ZC3H12B: variants seen among roughly 807,000 people sequenced by gnomAD.
ZC3H12B encodes the protein zinc finger CCCH-type containing 12B, also known as probable ribonuclease ZC3H12B.
A neutral mutation model predicts 43.9 loss-of-function variants in ZC3H12B; 7 were observed. That is an observed-to-expected ratio of 0.16 (90% CI 0.09 to 0.30). ZC3H12B has a LOEUF of 0.30. Ranked by LOEUF, ZC3H12B falls within the 10% of genes least tolerant of loss-of-function variation. The pLI is 1.00. For missense variants in ZC3H12B, 475 were observed against 670.2 expected, an observed-to-expected ratio of 0.71 and a Z score of 3.22; for synonymous variants, 222 against 241.7, an observed-to-expected ratio of 0.92 and a Z score of 0.76.
At chrX:65,252,514 A>G in the ZC3H12B span, among the ~76,000 whole-genome samples, 1 of 111,935 alleles carries the variant, frequency 8.9e-6, no homozygotes, top group Non-Finnish European at 1.9e-5. Context: ...CCCTTTTTAC[A>G]GATGAGGAAA....
chrX:65,108,542 G>A, the ZC3H12B span, among the ~76,000 whole-genome samples: 1 of 109,324 alleles, frequency 9.1e-6, no homozygotes, highest in African/African-American at 3.3e-5. Flanking sequence ...AAGATCTTCA[G>A]GGGCGATAAC....
intron 3 of ZC3H12B, among the ~76,000 whole-genome samples, chrX:65,402,456 G>A (rs966282732): frequency 3.6e-5 from 4 of 111,381 alleles, no homozygotes; most frequent in Non-Finnish European, 7.5e-5. Context: ...AGAGTCCCAG[G>A]GCCTTGAGTG....
chrX:65,495,556 T>C (rs1364404264), intron 1 of ZC3H12B, among the ~76,000 whole-genome samples: 2 of 112,156 alleles, frequency 1.8e-5, no homozygotes, highest in Admixed American at 9.5e-5. Context: ...CAATAGCCAC[T>C]TGATTGTAGT....
the ZC3H12B span, among the ~76,000 whole-genome samples, chrX:65,245,579 A>G: frequency 8.9e-6 from 1 of 112,318 alleles, no homozygotes; most frequent in African/African-American, 3.2e-5. Context: ...AAACAAAACT[A>G]AAGGCAAAAA....
At chrX:65,265,355 C>A in the ZC3H12B span, among the ~76,000 whole-genome samples, 1 of 111,643 alleles carries the variant, frequency 9.0e-6, no homozygotes, top group African/African-American at 3.3e-5. Flanking sequence ...TGTGCATGGT[C>A]CACCAAAAGA....
chrX:65,036,193 A>G, the ZC3H12B span, among the ~76,000 whole-genome samples: 1 of 111,833 alleles, frequency 8.9e-6, no homozygotes, highest in Non-Finnish European at 1.9e-5. Context: ...TCTTTGATGA[A>G]TGAGGTTGTT....
the ZC3H12B span, among the ~76,000 whole-genome samples, chrX:65,232,031 C>T: frequency 9.3e-6 from 1 of 107,645 alleles, no homozygotes; most frequent in Non-Finnish European, 1.9e-5. Context: ...GTCAGGAGAT[C>T]GAAACCATCC....
At chrX:65,215,726 CTGTT>C in the ZC3H12B span, among the ~76,000 whole-genome samples, 4 of 111,702 alleles carry the variant, frequency 3.6e-5, no homozygotes, top group African/African-American at 6.5e-5. Context: ...CAACTGCTAA[CTGTT>C]TGGCAGAAGA....
chrX:65,378,336 G>GT (rs2066378624), intron 2 of ZC3H12B, among the ~76,000 whole-genome samples: 1 of 111,223 alleles, frequency 9.0e-6, no homozygotes, highest in East Asian at 2.8e-4. Flanking sequence ...GGTGTAGAGT[G>GT]TTTTTTAGTT....
At chrX:65,468,437 G>T (rs1389833379) in intron 3 of ZC3H12B, among the ~76,000 whole-genome samples, 2 of 108,398 alleles carry the variant, frequency 1.8e-5, no homozygotes, top group African/African-American at 6.7e-5. Context: ...GACTATTCGG[G>T]TTTGTTTTTG....
chrX:65,345,619 A>T, the ZC3H12B span, among the ~76,000 whole-genome samples: 3 of 111,510 alleles, frequency 2.7e-5, no homozygotes, highest in Admixed American at 2.9e-4. Flanking sequence ...GGGTGACAAA[A>T]TAATCTGTAC....
At chrX:65,345,846 A>G in the ZC3H12B span, among the ~76,000 whole-genome samples, 1 of 112,131 alleles carries the variant, frequency 8.9e-6, no homozygotes. Flanking sequence ...AGTGAGAGCC[A>G]AATCAAGAAT....
the ZC3H12B span, among the ~76,000 whole-genome samples, chrX:65,105,540 G>A: frequency 9.0e-6 from 1 of 111,663 alleles, no homozygotes; most frequent in Non-Finnish European, 1.9e-5. Context: ...CCAGGACTGA[G>A]ATCTAGACCT....
the ZC3H12B span, chrX:65,328,655 C>A: frequency 8.3e-6 from 1 of 120,828 alleles, no homozygotes; most frequent in East Asian, 2.7e-4. Flanking sequence ...CCATTAACTC[C>A]TCATTTAGCA....
At chrX:65,407,188 C>T (rs1205842586) in intron 3 of ZC3H12B, among the ~76,000 whole-genome samples, 1 of 112,867 alleles carries the variant, frequency 8.9e-6, no homozygotes, top group African/African-American at 3.2e-5. Context: ...GAAGAAGGGG[C>T]TCGGAAGAAG....
chrX:65,351,103 G>C, the ZC3H12B span, among the ~76,000 whole-genome samples: 73 of 111,866 alleles, frequency 6.5e-4, no homozygotes, highest in African/African-American at 2.1e-3. Flanking sequence ...CAAATAGCAT[G>C]GTACTGGTAC....
chrX:65,312,468 A>T, the ZC3H12B span, among the ~76,000 whole-genome samples: 1 of 110,112 alleles, frequency 9.1e-6, no homozygotes, highest in East Asian at 2.9e-4. Flanking sequence ...CTGGCAGCAC[A>T]AGCACCAAAA....
At chrX:65,166,578 T>C in the ZC3H12B span, among the ~76,000 whole-genome samples, 1 of 111,901 alleles carries the variant, frequency 8.9e-6, no homozygotes, top group South Asian at 3.7e-4. Flanking sequence ...GATGGCTGGG[T>C]CAAATGGTAT....
At chrX:65,079,910 G>A in the ZC3H12B span, among the ~76,000 whole-genome samples, 1 of 111,183 alleles carries the variant, frequency 9.0e-6, no homozygotes, top group Non-Finnish European at 1.9e-5. Context: ...AATAAACAGA[G>A]ATATATGATC....
Sources: allele counts gnomAD v4.1 joint callset (sites outside exome capture counted in the v4.1 genomes callset), GRCh38; gene constraint gnomAD v4.1.1; transcripts MANE v1.5; gene names NCBI Gene and HGNC (gene_info 2026-07-23, HGNC 2026-07-21).